GHR: variants seen among roughly 807,000 people sequenced by gnomAD.
GHR encodes growth hormone receptor.
In GHR, 35 loss-of-function variants were observed where a neutral mutation model predicts 67.1. The ratio of observed to expected loss-of-function variants is 0.52; its 90% CI spans 0.40 to 0.69. GHR has a LOEUF of 0.69. Ranked by LOEUF, GHR falls within the 30% of genes least tolerant of loss-of-function variation. The pLI is 0.00. For missense variants in GHR, 792 were observed against 764.6 expected (o/e 1.04, Z -0.42); for synonymous variants, 272 against 269.1 (o/e 1.01, Z -0.10).
At position 42,695,235 on chromosome 5, in the gene GHR, A is replaced by G. The variant is rs1054024023; in HGVS notation, c.439+146A>G. 6 of 693,310 alleles carry G rather than the reference A, an allele frequency of 8.7e-6. No individual in the cohort carries two copies. In the African/African-American group the frequency reaches 1.1e-4, roughly 12 times the overall value. The allele number at this position is 693,310 out of a possible 1,614,324, so 42.9% of individuals were successfully genotyped here. On this transcript the variant is annotated intron_variant, in intron 5 of 9. Coordinates refer to ENST00000230882, the MANE Select transcript of GHR (RefSeq NM_000163.5). ...GATCTGTTTTACAGGAGATGGGATC[A>G]GCTGGTGAACAAGAGGAAAAGGGCA...
In GHR at chr5:42,424,568, G is replaced by A; in HGVS notation, c.-12+613G>A. 1 of 1,534,296 alleles carries A rather than the reference G, an allele frequency of 6.5e-7. No homozygotes were observed. The highest frequency in any genetic ancestry group is 1.2e-5 in the South Asian group (1 of 84,028). Reference sequence around the variant, plus strand: ...GGCACCGATGGAACTGGGGTCAGTAGAGTGACAGCCACCAGTCCGCATGAA... The same window carrying A: ...GGCACCGATGGAACTGGGGTCAGTAAAGTGACAGCCACCAGTCCGCATGAA... On this transcript the variant is annotated intron_variant, in intron 1 of 9. Coordinates refer to ENST00000230882, the MANE Select transcript of GHR (RefSeq NM_000163.5). This position sits in a 1 kb window ranked among gnomAD's most constrained non-coding sequence, Gnocchi z 4.1.
At chr5:42,470,209 T>TAATATATTATATAATATCTATAAC in intron 1 of GHR, among the ~76,000 whole-genome samples, 1 of 147,758 alleles carries the variant, frequency 6.8e-6, no homozygotes, top group Non-Finnish European at 1.5e-5. Flanking sequence ...ATCTATAACA[T>TAATATATTATATAATATCTATAAC]AATATATTAT....
chr5:42,436,136 A>C (rs938250881), intron 1 of GHR, among the ~76,000 whole-genome samples: 1 of 152,224 alleles, frequency 6.6e-6, no homozygotes, highest in Non-Finnish European at 1.5e-5. Flanking sequence ...GTGTGTGCAT[A>C]TCACACTTAC....
rs543981612 is a variant in GHR at position 42,552,710 on chromosome 5, A to C, written c.-11-13154A>C. Among the ~76,000 whole-genome samples the C allele has an allele frequency of 2.0e-5, 3 of 152,252 alleles. No homozygotes were observed. In the South Asian group the frequency reaches 6.2e-4, roughly 32 times the overall value. ...TCTGATTACTGTGTTCATTTTCCTG[A>C]AAGATAGTGAACCCAGAAAACAAGA... is the stretch of plus-strand genomic sequence containing the variant. On this transcript the variant is annotated intron_variant, in intron 1 of 9. Coordinates refer to ENST00000230882, the MANE Select transcript of GHR (RefSeq NM_000163.5).
At chr5:42,583,448 C>T (rs1751298712) in intron 2 of GHR, among the ~76,000 whole-genome samples, 1 of 152,222 alleles carries the variant, frequency 6.6e-6, no homozygotes, top group African/African-American at 2.4e-5. Context: ...TTTCCACCTG[C>T]TGCCCTCTAG....
rs541001979 is a variant in GHR, at chr5:42,463,189, G to A, written c.-12+39234G>A. On this transcript the variant is annotated intron_variant, in intron 1 of 9. Coordinates refer to ENST00000230882, the MANE Select transcript of GHR (RefSeq NM_000163.5). ...ACTGAGATAAATAAGGAGTCCTGGT[G>A]AATGAAATATAATTTAATAAGCAGA... Among the ~76,000 whole-genome samples, 15 of 152,244 alleles carry A rather than the reference G, an allele frequency of 9.9e-5. No homozygotes were observed. In the East Asian group the frequency reaches 2.7e-3, roughly 27 times the overall value.
chr5:42,447,190 G>T (rs953693710), intron 1 of GHR, among the ~76,000 whole-genome samples: 1 of 151,950 alleles, frequency 6.6e-6, no homozygotes, highest in Admixed American at 6.6e-5. Flanking sequence ...GGTGGTTTTT[G>T]GTTCCACGAA....
intron 6 of GHR, among the ~76,000 whole-genome samples, chr5:42,701,080 G>A (rs1298614175): frequency 6.6e-6 from 1 of 152,106 alleles, no homozygotes; most frequent in African/African-American, 2.4e-5. Flanking sequence ...CTCAAAGTGG[G>A]AGCCACAGAC....
In GHR at chr5:42,423,776, G is replaced by A; in HGVS notation, c.-191G>A. The A allele has an allele frequency of 6.2e-6, 1 of 161,594 alleles. No homozygotes were observed. Among genetic ancestry groups the A allele is most frequent in the Non-Finnish European group, 1.3e-5 (1 of 75,432 alleles). The allele number at this position is 161,594 out of a possible 1,614,324, so 10.0% of individuals were successfully genotyped here. A position where few individuals can be genotyped will look rare whatever the true frequency, so the allele number is the denominator to read the frequency against. On this transcript the variant is annotated 5_prime_UTR_variant, in exon 1 of 10. Coordinates refer to ENST00000230882, the MANE Select transcript of GHR (RefSeq NM_000163.5). ...GGGAAGAGGAGGAGGGCTAGGGAGC[G>A]GCGGCGGCGGCGGCAGCGGCAGCAG... is the stretch of plus-strand genomic sequence containing the variant.
chr5:42,544,280 A>G (rs1748642832), intron 1 of GHR, among the ~76,000 whole-genome samples: 1 of 152,210 alleles, frequency 6.6e-6, no homozygotes. Flanking sequence ...AATGTTCCAA[A>G]TAATATTCAG....
rs1244778592 is a variant in GHR at position 42,579,193 on chromosome 5, TA to T, written c.70+13250del. 4.2e-5 allele frequency among the ~76,000 whole-genome samples: 6 copies of T among 143,442 alleles called. No homozygotes were observed. In the South Asian group the frequency reaches 6.6e-4, roughly 16 times the overall value. The allele number at this position is 143,442 out of a possible 152,430, so 94.1% of individuals were successfully genotyped here. ...ATAGATAGATAGATAGATAGATAGA[TA>T]GATAGACAGATAGATAGATATAATT... On this transcript the variant is annotated intron_variant, in intron 2 of 9. Transcript: ENST00000230882.
At chr5:42,671,094 T>A (rs917384510) in intron 3 of GHR, among the ~76,000 whole-genome samples, 1 of 152,022 alleles carries the variant, frequency 6.6e-6, no homozygotes, top group Non-Finnish European at 1.5e-5. Context: ...AACTAGTGTG[T>A]TAGGGTGTTC....
chr5:42,468,441 G>A (rs1744836548), intron 1 of GHR: 1 of 931,400 alleles, frequency 1.1e-6, no homozygotes, highest in African/African-American at 1.7e-5. Context: ...GCCAAGATGA[G>A]TATTGCCTAC....
chr5:42,662,783 C>CA (rs1182552408), intron 3 of GHR, among the ~76,000 whole-genome samples: 5 of 152,088 alleles, frequency 3.3e-5, no homozygotes, highest in Admixed American at 6.5e-5. Flanking sequence ...AATAGAGACA[C>CA]AAAAAACCCT....
At chr5:42,470,061 T>C (rs991081638) in intron 1 of GHR, among the ~76,000 whole-genome samples, 1 of 145,902 alleles carries the variant, frequency 6.9e-6, no homozygotes, top group African/African-American at 2.5e-5. Flanking sequence ...ATTAATAATG[T>C]GTGTATAAAT....
chr5:42,565,741 C>T lies in GHR; in HGVS notation c.-11-123C>T, dbSNP rs12521020. 434,044 of 1,576,894 alleles carry T rather than the reference C, an allele frequency of 0.28. 64,076 individuals carry two copies. The highest frequency in any genetic ancestry group is 0.54 in the African/African-American group (40,020 of 74,122). On this transcript the variant is annotated intron_variant, in intron 1 of 9. Transcript: ENST00000230882. ...GACTCTGGGGCAGTGAAAGACTTAC[C>T]AGGATTCCTTCTGGAACTGACTCGT...
chr5:42,549,119 C>T (rs1361241690), intron 1 of GHR, among the ~76,000 whole-genome samples: 2 of 152,140 alleles, frequency 1.3e-5, no homozygotes, highest in African/African-American at 4.8e-5. Flanking sequence ...GCTTTGTCTC[C>T]TTCTGCTTCT....
chr5:42,515,957 T>C (rs951133528), intron 1 of GHR, among the ~76,000 whole-genome samples: 30 of 152,374 alleles, frequency 2.0e-4, no homozygotes, highest in African/African-American at 7.0e-4. Flanking sequence ...TCCTAATTTG[T>C]GAAACGAATA....
intron 1 of GHR, chr5:42,468,730 ACGC>A (rs1744856247): frequency 1.0e-6 from 1 of 996,136 alleles, no homozygotes; most frequent in Non-Finnish European, 1.6e-6. Context: ...GGCCCCAGAG[ACGC>A]CGCCCCCGCC....
Sources: gnomAD v4.1 joint callset for allele counts (sites outside exome capture counted in the v4.1 genomes callset) on GRCh38, gnomAD v4.1.1 for gene constraint, Gnocchi (gnomAD v3.1) non-coding constraint, MANE v1.5 for transcripts, NCBI Gene and HGNC (gene_info 2026-07-23, HGNC 2026-07-21) for gene names.